Variants in TMPRSS15 observed in about 807,000 individuals in gnomAD.
TMPRSS15 encodes the protein enteropeptidase.
Under a neutral mutation model 125.3 loss-of-function variants are expected in TMPRSS15, and 128 were observed. The observed-to-expected ratio is 1.02, with a 90% CI of 0.89 to 1.18. The LOEUF (loss-of-function observed/expected upper bound fraction) is 1.18, where lower values mean the gene tolerates loss of function less well. TMPRSS15 is among the 50% of genes most tolerant of loss of function. TMPRSS15 has a pLI of 0.00. For missense variants in TMPRSS15, 1,283 were observed against 1,212.7 expected (o/e 1.06, Z -0.86); for synonymous variants, 446 against 423.2 (o/e 1.05, Z -0.66).
rs2075442768 is a variant in TMPRSS15, at chr21:18,341,275, T to A, written c.1564+138A>T. On this transcript the variant is annotated intron_variant, in intron 13 of 24. Coordinates refer to ENST00000284885, the MANE Select transcript of TMPRSS15 (RefSeq NM_002772.3). ...TTGTAGAGACAGAGTCTCGCTGTAA[T>A]CCTCAGGCTGGTCTCAAACTCCTGG... is the stretch of plus-strand genomic sequence containing the variant. 1.1e-5 allele frequency: 11 copies of A among 1,011,994 alleles called. No individual in the cohort carries two copies. In the South Asian group the frequency reaches 1.2e-4, roughly 11 times the overall value. The allele number at this position is 1,011,994 out of a possible 1,614,324, so 62.7% of individuals were successfully genotyped here.
intron 1 of TMPRSS15, among the ~76,000 whole-genome samples, chr21:18,457,930 A>G (rs1978473581): frequency 6.6e-6 from 1 of 152,182 alleles, no homozygotes; most frequent in African/African-American, 2.4e-5. Context: ...ACTTTTGAGT[A>G]TAATTCTAGA....
intron 10 of TMPRSS15, among the ~76,000 whole-genome samples, chr21:18,345,764 C>CAAAAAAAAAAAAAA (rs2075502206): frequency 1.7e-5 from 1 of 57,780 alleles, no homozygotes. Flanking sequence ...AAAAAAAAAT[C>CAAAAAAAAAAAAAA]CACTGAATAT....
At chr21:18,464,858 T>C (rs919789701) in intron 1 of TMPRSS15, among the ~76,000 whole-genome samples, 2 of 152,160 alleles carry the variant, frequency 1.3e-5, no homozygotes, top group African/African-American at 4.8e-5. Flanking sequence ...CCATTCCTTC[T>C]GAAACTCTTA....
chr21:18,304,140 G>A (rs1297867332), intron 18 of TMPRSS15, among the ~76,000 whole-genome samples: 2 of 152,116 alleles, frequency 1.3e-5, no homozygotes, highest in Non-Finnish European at 2.9e-5. Context: ...GTTCGTGGGG[G>A]TCTGGGGTGG....
intron 1 of TMPRSS15, among the ~76,000 whole-genome samples, chr21:18,480,745 AG>A (rs1978967070): frequency 6.6e-6 from 1 of 151,820 alleles, no homozygotes; most frequent in Admixed American, 6.6e-5. Flanking sequence ...TGTGACTCAA[AG>A]GGAATTTAAA....
chr21:18,345,207 T>C (rs1343512945), intron 10 of TMPRSS15, among the ~76,000 whole-genome samples: 1 of 152,212 alleles, frequency 6.6e-6, no homozygotes, highest in Non-Finnish European at 1.5e-5. Context: ...CTGTTAATAA[T>C]GTGTTTAAAA....
At chr21:18,321,828 A>G (rs1020595193) in intron 16 of TMPRSS15, among the ~76,000 whole-genome samples, 3 of 152,156 alleles carry the variant, frequency 2.0e-5, no homozygotes, top group Non-Finnish European at 4.4e-5. Context: ...ACGGAAGCAG[A>G]CGGTGCTGAT....
At chr21:18,283,469 T>G (rs896761001) in intron 21 of TMPRSS15, among the ~76,000 whole-genome samples, 1 of 152,082 alleles carries the variant, frequency 6.6e-6, no homozygotes, top group African/African-American at 2.4e-5. Flanking sequence ...TTTATTAAAT[T>G]TATTTATACA....
chr21:18,365,397 T>C (rs2075717291), intron 6 of TMPRSS15, 149 bp from the exon 7 acceptor site: 1 of 735,186 alleles, frequency 1.4e-6, no homozygotes, highest in Non-Finnish European at 2.4e-6. Context: ...TTGAAACCTA[T>C]TAGCCATGTT....
intron 21 of TMPRSS15, among the ~76,000 whole-genome samples, chr21:18,283,456 C>T (rs2074725675): frequency 6.6e-6 from 1 of 151,796 alleles, no homozygotes; most frequent in South Asian, 2.1e-4. Flanking sequence ...TTGTGTTTGG[C>T]ATTTTATTAA....
chr21:18,437,548 A>T (rs1325555593), intron 1 of TMPRSS15, among the ~76,000 whole-genome samples: 2 of 152,128 alleles, frequency 1.3e-5, no homozygotes, highest in Non-Finnish European at 2.9e-5. Context: ...AACCTACAAA[A>T]TGGGAGAAAA....
chr21:18,464,545 CAAAT>C (rs1244963157), intron 1 of TMPRSS15, among the ~76,000 whole-genome samples: 4 of 151,906 alleles, frequency 2.6e-5, no homozygotes, highest in African/African-American at 9.7e-5. Flanking sequence ...AGAGAAGAAT[CAAAT>C]AAACACAATA....
intron 21 of TMPRSS15, among the ~76,000 whole-genome samples, chr21:18,289,266 A>AT (rs1276842730): frequency 6.6e-6 from 1 of 152,198 alleles, no homozygotes; most frequent in East Asian, 1.9e-4. Context: ...TAATCCCAGC[A>AT]CTTTGAGAGG....
intron 1 of TMPRSS15, among the ~76,000 whole-genome samples, chr21:18,413,786 G>A (rs563393244): frequency 4.7e-4 from 71 of 151,896 alleles, no homozygotes; most frequent in African/African-American, 1.6e-3. Flanking sequence ...GGAGTGCAGT[G>A]GTATGATCAT....
At chr21:18,478,371 G>C (rs1388638441) in intron 1 of TMPRSS15, among the ~76,000 whole-genome samples, 1 of 151,916 alleles carries the variant, frequency 6.6e-6, no homozygotes, top group Non-Finnish European at 1.5e-5. Flanking sequence ...ATATCAGATT[G>C]TTTAAGACAA....
At chr21:18,342,011 CGA>C (rs2075451511) in intron 12 of TMPRSS15, among the ~76,000 whole-genome samples, 1 of 152,032 alleles carries the variant, frequency 6.6e-6, no homozygotes, top group Non-Finnish European at 1.5e-5. Flanking sequence ...GTGAAGGGGA[CGA>C]GAGAGAGTAT....
chr21:18,397,902 CT>C lies in TMPRSS15; in HGVS notation c.320del (p.Lys107ArgfsTer14). The C allele has an allele frequency of 6.4e-7, 1 of 1,553,388 alleles. No individual in the cohort carries two copies. The highest frequency in any genetic ancestry group is 8.8e-7 in the Non-Finnish European group (1 of 1,135,970). ...FLSSNLKNEY[K>X]NSRVLQFENG... ...ACTCAAATTGTAAAACTCTTGAGTTCTTATATTCATTCTTCAGATTGCTTGA... is the reference window on the plus strand; with the variant it reads ...ACTCAAATTGTAAAACTCTTGAGTTCTATATTCATTCTTCAGATTGCTTGA... On this transcript the variant is annotated frameshift_variant, in exon 3 of 25. Coordinates refer to ENST00000284885, the MANE Select transcript of TMPRSS15 (RefSeq NM_002772.3). LOFTEE classifies it high-confidence loss of function.
In TMPRSS15 at chr21:18,319,407, AAATCT is replaced by A. The variant is rs1386485164; in HGVS notation, c.1922-4156_1922-4152del. Among the ~76,000 whole-genome samples the A allele has an allele frequency of 4.3e-3, 466 of 107,610 alleles. 1 individual carries two copies. Among genetic ancestry groups the A allele is most frequent in the African/African-American group, 0.017 (443 of 25,918 alleles). 70.6% of individuals were successfully genotyped at this position (107,610 alleles called of 152,430 possible). A position where few individuals can be genotyped will look rare whatever the true frequency, so the allele number is the denominator to read the frequency against. On this transcript the variant is annotated intron_variant, in intron 16 of 24. Coordinates refer to ENST00000284885, the MANE Select transcript of TMPRSS15 (RefSeq NM_002772.3). Reference sequence around the variant, plus strand: ...CAGTAAAAACAGTAACAGTAAAAAAAAATCTTCTTCACCGATTTTTTTTTTTTTTT... The same window carrying A: ...CAGTAAAAACAGTAACAGTAAAAAAATCTTCACCGATTTTTTTTTTTTTTT...
chr21:18,349,507 A>G (rs1410446675), intron 10 of TMPRSS15, among the ~76,000 whole-genome samples: 2 of 152,202 alleles, frequency 1.3e-5, no homozygotes, highest in Non-Finnish European at 2.9e-5. Context: ...AAAGAACAAA[A>G]CAACAATACA....
Sources: gnomAD v4.1 joint callset for allele counts (sites outside exome capture counted in the v4.1 genomes callset) on GRCh38, gnomAD v4.1.1 for gene constraint, MANE v1.5 for transcripts, NCBI Gene and HGNC (gene_info 2026-07-23, HGNC 2026-07-21) for gene names.